The following CCSER1 variants were observed in gnomAD, a reference collection of about 807,000 sequenced individuals.
CCSER1 encodes the protein serine-rich coiled-coil domain-containing protein 1.
In CCSER1, 41 loss-of-function variants were observed where a neutral mutation model predicts 82.0. The ratio of observed to expected loss-of-function variants is 0.50; its 90% CI spans 0.39 to 0.65. The LOEUF is 0.65. Among genes scored for constraint, CCSER1 ranks in the 30% least tolerant of loss-of-function variants. The pLI, the probability that CCSER1 is intolerant of heterozygous loss-of-function variation, is 0.00. For synonymous variants in CCSER1, 414 were observed against 383.9 expected, an observed-to-expected ratio of 1.08 and a Z score of -0.92; for missense variants, 1,119 against 1,064.2, an observed-to-expected ratio of 1.05 and a Z score of -0.72.
chr4:90,538,661 T>C (rs1366992399), intron 5 of CCSER1, among the ~76,000 whole-genome samples: 2 of 152,120 alleles, frequency 1.3e-5, no homozygotes, highest in African/African-American at 4.8e-5. Flanking sequence ...TTTAAGATAA[T>C]ATTCTAGCAT....
At chr4:91,107,555 G>A (rs1725735371) in intron 10 of CCSER1, among the ~76,000 whole-genome samples, 1 of 151,592 alleles carries the variant, frequency 6.6e-6, no homozygotes, top group African/African-American at 2.4e-5. Flanking sequence ...TTCTTAGAAT[G>A]TATTCCCTTG....
intron 4 of CCSER1, among the ~76,000 whole-genome samples, chr4:90,418,960 C>T (rs1342450983): frequency 6.6e-6 from 1 of 151,998 alleles, no homozygotes; most frequent in Non-Finnish European, 1.5e-5. Flanking sequence ...AAAGTGTTAT[C>T]ATTCTCTCTT....
At position 91,602,336 on chromosome 4, in the gene CCSER1, A is replaced by G. The variant is rs1449933022; in HGVS notation, c.*3279A>G. 6.6e-6 allele frequency among the ~76,000 whole-genome samples: 1 copy of G among 151,972 alleles called. No homozygotes were observed. The highest frequency in any genetic ancestry group is 1.5e-5 in the Non-Finnish European group (1 of 67,918). ...TTGTTTTGTTTTCTTTGTCTTGTTT[A>G]ATAGAGATAATAACCATACACCCCT... is the stretch of plus-strand genomic sequence containing the variant. On this transcript the variant is annotated 3_prime_UTR_variant, in exon 11 of 11. Transcript: ENST00000509176.
chr4:90,797,786 A>G lies in CCSER1; in HGVS notation c.2011-17976A>G, dbSNP rs114267416. Reference sequence around the variant, plus strand: ...GGTTGGAATTCTTTTCTTTAAGAATATTGAATATAGGCCGCCAATGTCTTT... The same window carrying G: ...GGTTGGAATTCTTTTCTTTAAGAATGTTGAATATAGGCCGCCAATGTCTTT... On this transcript the variant is annotated intron_variant, in intron 7 of 10. Coordinates refer to ENST00000509176, the MANE Select transcript of CCSER1 (RefSeq NM_001145065.2). Among the ~76,000 whole-genome samples, 1,272 of 152,276 alleles carry G rather than the reference A, an allele frequency of 8.4e-3. 18 individuals carry two copies. Among genetic ancestry groups the G allele is most frequent in the African/African-American group, 0.029 (1,196 of 41,558 alleles).
intron 7 of CCSER1, among the ~76,000 whole-genome samples, chr4:90,758,607 T>C (rs17017522): frequency 0.27 from 40,448 of 152,010 alleles, 5,978 homozygotes; most frequent in East Asian, 0.34. Context: ...TTAGTGTTAC[T>C]ATGATGCCAA....
intron 1 of CCSER1, among the ~76,000 whole-genome samples, chr4:90,270,923 A>G (rs892501887): frequency 6.6e-6 from 1 of 152,150 alleles, no homozygotes; most frequent in African/African-American, 2.4e-5. Flanking sequence ...CTTAGGAATT[A>G]ATGTAGCCAA....
At chr4:90,140,932 T>C (rs913136060) in intron 1 of CCSER1, among the ~76,000 whole-genome samples, 2 of 152,010 alleles carry the variant, frequency 1.3e-5, no homozygotes, top group African/African-American at 2.4e-5. Flanking sequence ...CCCAAAGTGC[T>C]GGGATTACCG....
chr4:90,945,559 A>G (rs1383772957), intron 9 of CCSER1, among the ~76,000 whole-genome samples: 1 of 152,232 alleles, frequency 6.6e-6, no homozygotes, highest in African/African-American at 2.4e-5. Context: ...GAGAAAACAC[A>G]TAAGAAAACC....
chr4:91,335,356 C>T (rs754161628), intron 10 of CCSER1, among the ~76,000 whole-genome samples: 60 of 152,160 alleles, frequency 3.9e-4, no homozygotes, highest in Non-Finnish European at 7.1e-4. Context: ...GACCTACTTT[C>T]TAACTCCCTA....
At chr4:91,405,172 T>A (rs972208205) in intron 10 of CCSER1, among the ~76,000 whole-genome samples, 1 of 152,190 alleles carries the variant, frequency 6.6e-6, no homozygotes, top group African/African-American at 2.4e-5. Flanking sequence ...TCTCTTTTGA[T>A]CTTTGTTGGT....
chr4:90,359,849 GTGTGTATATATA>G (rs1367028496), intron 3 of CCSER1, among the ~76,000 whole-genome samples: 2 of 149,368 alleles, frequency 1.3e-5, no homozygotes, highest in Non-Finnish European at 3.0e-5. Flanking sequence ...GTATATATAT[GTGTGTATATATA>G]TGTGTATATA....
At chr4:90,402,646 T>C (rs1578290013) in intron 4 of CCSER1, among the ~76,000 whole-genome samples, 1 of 152,266 alleles carries the variant, frequency 6.6e-6, no homozygotes, top group South Asian at 2.1e-4. Context: ...AAAGCAACAA[T>C]TAGAAAACAC....
intron 5 of CCSER1, among the ~76,000 whole-genome samples, chr4:90,516,403 G>A (rs1194479344): frequency 6.6e-6 from 1 of 151,876 alleles, no homozygotes; most frequent in Non-Finnish European, 1.5e-5. Context: ...CTTGGGGTGA[G>A]CGTTAGAAGA....
chr4:91,250,238 A>G (rs891132347), intron 10 of CCSER1, among the ~76,000 whole-genome samples: 5 of 152,076 alleles, frequency 3.3e-5, no homozygotes, highest in African/African-American at 1.2e-4. Flanking sequence ...AAAAAAATGC[A>G]AATTTCTTTC....
intron 4 of CCSER1, among the ~76,000 whole-genome samples, chr4:90,452,659 G>A (rs1477488999): frequency 1.3e-5 from 2 of 152,206 alleles, no homozygotes; most frequent in African/African-American, 4.8e-5. Context: ...TCATTGGGAA[G>A]TCTAAGGGCT....
chr4:91,202,313 A>C (rs1406156179), intron 10 of CCSER1, among the ~76,000 whole-genome samples: 1 of 152,050 alleles, frequency 6.6e-6, no homozygotes, highest in African/African-American at 2.4e-5. Context: ...GCATTGTAGC[A>C]CACTCACACA....
At chr4:91,587,795 T>A (rs971665472) in intron 10 of CCSER1, among the ~76,000 whole-genome samples, 1 of 151,680 alleles carries the variant, frequency 6.6e-6, no homozygotes, top group Non-Finnish European at 1.5e-5. Context: ...TTAGAAAATC[T>A]TGAATTGGTT....
At chr4:91,399,037 C>T (rs780751409) in intron 10 of CCSER1, among the ~76,000 whole-genome samples, 13 of 151,616 alleles carry the variant, frequency 8.6e-5, no homozygotes, top group Admixed American at 4.6e-4. Context: ...TAAAAGAAAT[C>T]GTGAGATGTG....
intron 5 of CCSER1, among the ~76,000 whole-genome samples, chr4:90,480,880 G>T (rs373727753): frequency 3.7e-4 from 56 of 151,988 alleles, no homozygotes; most frequent in African/African-American, 1.1e-3. Context: ...TGGTTCCATA[G>T]GAACTTTAAA....
Sources: gnomAD v4.1 joint callset for allele counts (sites outside exome capture counted in the v4.1 genomes callset) on GRCh38, gnomAD v4.1.1 for gene constraint, MANE v1.5 for transcripts, NCBI Gene and HGNC (gene_info 2026-07-23, HGNC 2026-07-21) for gene names.